Variants in SYNE1 observed in about 807,000 individuals in gnomAD.
The protein encoded by SYNE1 is spectrin repeat containing nuclear envelope protein 1, also known as nesprin-1.
Under a neutral mutation model 1,111.0 loss-of-function variants are expected in SYNE1, and 616 were observed. That is an observed-to-expected ratio of 0.55 (90% CI 0.52 to 0.59). SYNE1 has a LOEUF of 0.59. SYNE1 is among the 20% of genes least tolerant of loss of function. The pLI, the probability that SYNE1 is intolerant of heterozygous loss-of-function variation, is 0.00. For missense variants in SYNE1, 10,006 were observed against 10,417.0 expected (o/e 0.96, Z 1.72); for synonymous variants, 3,855 against 3,825.8 (o/e 1.01, Z -0.28).
chr6:152,268,580 T>G (rs540880715), intron 99 of SYNE1, among the ~76,000 whole-genome samples: 1 of 152,312 alleles, frequency 6.6e-6, no homozygotes, highest in African/African-American at 2.4e-5. Flanking sequence ...TTGGCTTTAA[T>G]TCTTCATTAT....
intron 66 of SYNE1, among the ~76,000 whole-genome samples, chr6:152,356,906 C>T (rs1441082391): frequency 6.6e-6 from 1 of 152,166 alleles, no homozygotes; most frequent in Non-Finnish European, 1.5e-5. Flanking sequence ...TGATGGGTAA[C>T]TATTGACTTA....
At position 152,135,186 on chromosome 6, in the gene SYNE1, A is replaced by G. The variant is rs760698113; in HGVS notation, c.25706T>C (p.Ile8569Thr). Reference sequence around the variant, plus strand: ...GACAATTTCATTTTTCCTTCTGTCAATGTTCTCCAGCATAAGAAGCAAACC... The same window carrying G: ...GACAATTTCATTTTTCCTTCTGTCAGTGTTCTCCAGCATAAGAAGCAAACC... ...SHGLLLMLENIDRRKNEIVPI... is the reference protein window; with the variant it reads ...SHGLLLMLENTDRRKNEIVPI... Residue 8569 changes from isoleucine to threonine, a missense_variant, in exon 142 of 146, where the codon ATT becomes ACT. This residue lies in a region of SYNE1 where 761 missense variants were observed against 795.5 expected (regional missense o/e 0.96). Coordinates refer to ENST00000367255, the MANE Select transcript of SYNE1 (RefSeq NM_182961.4). 22 of 1,614,030 alleles carry G rather than the reference A, an allele frequency of 1.4e-5. No individual in the cohort carries two copies. The highest frequency in any genetic ancestry group is 1.8e-5 in the Non-Finnish European group (21 of 1,180,022).
chr6:152,497,764 GA>G (rs894600205), intron 11 of SYNE1, among the ~76,000 whole-genome samples: 3 of 152,180 alleles, frequency 2.0e-5, no homozygotes, highest in African/African-American at 7.2e-5. Context: ...CTTTCTAAGA[GA>G]AAAATGAAGT....
At chr6:152,629,496 G>A (rs1278934321) in intron 2 of SYNE1, among the ~76,000 whole-genome samples, 3 of 132,424 alleles carry the variant, frequency 2.3e-5, no homozygotes, top group Non-Finnish European at 3.2e-5. Context: ...GTGAGCCACC[G>A]TGCCTGGCTG....
At chr6:152,430,277 AC>A in intron 35 of SYNE1, 67 bp from the exon 36 acceptor site, 1 of 1,385,258 alleles carries the variant, frequency 7.2e-7, no homozygotes, top group South Asian at 1.2e-5. Flanking sequence ...AAAAAAAGTT[AC>A]TGAGAAAATG....
In SYNE1 at chr6:152,282,105, T is replaced by G. The variant is rs565372431; in HGVS notation, c.18208-125A>C. 2.1e-5 allele frequency: 21 copies of G among 1,007,116 alleles called. No individual in the cohort carries two copies. In the African/African-American group the frequency reaches 3.2e-4, roughly 15 times the overall value. 62.4% of individuals were successfully genotyped at this position (1,007,116 alleles called of 1,614,324 possible). A position where few individuals can be genotyped will look rare whatever the true frequency, so the allele number is the denominator to read the frequency against. Reference sequence around the variant, plus strand: ...AATCACTGGTAAAACTTTTAAAAATTTCCTTTGCTTAGGCCACATCCCAGA... The same window carrying G: ...AATCACTGGTAAAACTTTTAAAAATGTCCTTTGCTTAGGCCACATCCCAGA... On this transcript the variant is annotated intron_variant, in intron 96 of 145. Transcript: ENST00000367255.
At chr6:152,234,947 C>T in intron 110 of SYNE1, 147 bp from the exon 111 acceptor site, 1 of 909,298 alleles carries the variant, frequency 1.1e-6, no homozygotes, top group South Asian at 1.5e-5. Context: ...CTGAAATTTT[C>T]TTCATATTGA....
At chr6:152,217,678 G>A (rs1588051038) in intron 121 of SYNE1, among the ~76,000 whole-genome samples, 1 of 152,000 alleles carries the variant, frequency 6.6e-6, no homozygotes, top group East Asian at 1.9e-4. Flanking sequence ...GAGACGAGAG[G>A]TTCAAAAGTT....
Position 152,318,215 on chromosome 6 carries a change from C to T in SYNE1, c.16438G>A (p.Asp5480Asn), listed in dbSNP as rs200862904. ...TCCAAGAATTTCTGTACTGCTGCAT[C>T]TAATTCCATTAACTTTGAATTACAG... ...DGCNSKLMEL[D>N]AAVQKFLEQN... Residue 5480 changes from aspartate to asparagine, a missense_variant, in exon 86 of 146, where the codon GAT (aspartate) becomes AAT (asparagine). Physicochemically the swap from Asp to Asn is conservative, Grantham distance 23 (BLOSUM62 1). This residue lies in a region of SYNE1 where 4,955 missense variants were observed against 5,017.2 expected (regional missense o/e 0.99). Coordinates refer to ENST00000367255, the MANE Select transcript of SYNE1 (RefSeq NM_182961.4). 7 of 1,614,148 alleles carry T rather than the reference C, an allele frequency of 4.3e-6. No homozygotes were observed. Among genetic ancestry groups the T allele is most frequent in the African/African-American group, 1.3e-5 (1 of 75,028 alleles).
At chr6:152,485,069 T>C in intron 12 of SYNE1, 97 bp from the exon 13 acceptor site, 3 of 1,286,400 alleles carry the variant, frequency 2.3e-6, no homozygotes, top group Non-Finnish European at 3.3e-6. Flanking sequence ...TCTATTTGGA[T>C]AACACTCAAT....
intron 139 of SYNE1, 43 bp from the exon 140 acceptor site, chr6:152,140,204 A>G: frequency 1.3e-6 from 2 of 1,596,546 alleles, no homozygotes; most frequent in Non-Finnish European, 1.7e-6. Flanking sequence ...TTTCCTCTAC[A>G]TGTGATGTTT....
intron 131 of SYNE1, among the ~76,000 whole-genome samples, chr6:152,161,854 G>C (rs2062575010): frequency 6.6e-6 from 1 of 152,188 alleles, no homozygotes; most frequent in Non-Finnish European, 1.5e-5. Context: ...CTCCAGAAAG[G>C]ATGCTCCAAT....
chr6:152,164,352 C>T, intron 130 of SYNE1, 27 bp from the exon 131 acceptor site: 2 of 1,613,680 alleles, frequency 1.2e-6, no homozygotes, highest in Non-Finnish European at 1.7e-6. Flanking sequence ...GGGAATGTCC[C>T]ACTTCAGCGA....
chr6:152,583,202 A>T (rs924093777), intron 3 of SYNE1, among the ~76,000 whole-genome samples: 1 of 152,204 alleles, frequency 6.6e-6, no homozygotes, highest in African/African-American at 2.4e-5. Context: ...GACCCTCATT[A>T]AGGAACCACT....
At position 152,256,158 on chromosome 6, in the gene SYNE1, C is replaced by T. The variant is rs371435177; in HGVS notation, c.19105-412G>A. On this transcript the variant is annotated intron_variant, in intron 102 of 145. Coordinates refer to ENST00000367255, the MANE Select transcript of SYNE1 (RefSeq NM_182961.4). ...GGATGGGGCCAGGCGCGGTGGCTCG[C>T]GCCTGTAATCCCAGCACTTTGGGAG... Among the ~76,000 whole-genome samples the T allele has an allele frequency of 1.2e-3, 178 of 152,078 alleles. 2 individuals carry two copies. In the South Asian group the frequency reaches 0.028, roughly 24 times the overall value.
At chr6:152,309,479 A>T (rs1048751924) in intron 90 of SYNE1, among the ~76,000 whole-genome samples, 4 of 152,220 alleles carry the variant, frequency 2.6e-5, no homozygotes, top group African/African-American at 9.6e-5. Flanking sequence ...ATATGAAAAA[A>T]ACTCTGTAAC....
chr6:152,288,828 G>A (rs375455244), intron 95 of SYNE1, among the ~76,000 whole-genome samples: 3 of 152,178 alleles, frequency 2.0e-5, no homozygotes, highest in Non-Finnish European at 2.9e-5. Flanking sequence ...TTACAGGTGT[G>A]AGCCACTGTG....
intron 3 of SYNE1, among the ~76,000 whole-genome samples, 169 bp from the exon 4 acceptor site, chr6:152,540,190 C>CA: frequency 6.6e-6 from 1 of 151,162 alleles, no homozygotes; most frequent in East Asian, 1.9e-4. Flanking sequence ...TCTACATAAT[C>CA]ATATAGACTA....
At chr6:152,240,157 A>G (rs1588507788) in intron 107 of SYNE1, among the ~76,000 whole-genome samples, 2 of 152,160 alleles carry the variant, frequency 1.3e-5, no homozygotes, top group East Asian at 3.9e-4. Flanking sequence ...GGGAGCAACT[A>G]GGACCAGGTG....
Sources: gnomAD v4.1 joint callset for allele counts (sites outside exome capture counted in the v4.1 genomes callset) on GRCh38, gnomAD v4.1.1 for gene constraint, gnomAD v4.1.1 regional missense constraint, MANE v1.5 for transcripts, NCBI Gene and HGNC (gene_info 2026-07-23, HGNC 2026-07-21) for gene names.